SPOCK3: variants seen among roughly 807,000 people sequenced by gnomAD.
SPOCK3 encodes SPARC (osteonectin), cwcv and kazal like domains proteoglycan 3.
SPOCK3 carries 30 observed loss-of-function variants against 56.6 expected under a neutral mutation model. The ratio of observed to expected loss-of-function variants is 0.53; its 90% CI spans 0.40 to 0.72. The LOEUF is 0.72. Ranked by LOEUF, SPOCK3 falls within the 30% of genes least tolerant of loss-of-function variation. The probability of loss-of-function intolerance (pLI) is 0.00; values close to 1 mark genes in which losing one functional copy is unlikely to be tolerated. For synonymous variants in SPOCK3, 196 were observed against 183.3 expected (o/e 1.07, Z -0.56); for missense variants, 527 against 530.0 (o/e 0.99, Z 0.06).
At chr4:166,736,900 A>G (rs1579068273) in intron 10 of SPOCK3, among the ~76,000 whole-genome samples, 1 of 152,142 alleles carries the variant, frequency 6.6e-6, no homozygotes, top group African/African-American at 2.4e-5. Context: ...ATATATACAT[A>G]AAAAATGCAT....
chr4:166,902,631 CATG>C (rs139545484), intron 5 of SPOCK3, among the ~76,000 whole-genome samples: 3,226 of 150,932 alleles, frequency 0.021, 50 homozygotes, highest in Non-Finnish European at 0.03. Flanking sequence ...ACATATGTAA[CATG>C]ATATTTACAT....
intron 6 of SPOCK3, among the ~76,000 whole-genome samples, chr4:166,821,700 T>C (rs1744952236): frequency 6.6e-6 from 1 of 151,776 alleles, no homozygotes; most frequent in African/African-American, 2.4e-5. Flanking sequence ...GAAAGGAAAA[T>C]TTATAGAGCC....
intron 2 of SPOCK3, among the ~76,000 whole-genome samples, chr4:167,226,623 A>G (rs1339324927): frequency 6.6e-6 from 1 of 152,144 alleles, no homozygotes; most frequent in Non-Finnish European, 1.5e-5. Context: ...TAAATTTCCC[A>G]GTATCCCTTG....
At chr4:167,012,033 A>C (rs568801950) in intron 3 of SPOCK3, among the ~76,000 whole-genome samples, 1 of 151,908 alleles carries the variant, frequency 6.6e-6, no homozygotes, top group Non-Finnish European at 1.5e-5. Flanking sequence ...ATTGAGTGAC[A>C]TTTTTCAAGG....
chr4:166,789,985 C>T (rs975537803), intron 7 of SPOCK3, among the ~76,000 whole-genome samples: 4 of 152,132 alleles, frequency 2.6e-5, no homozygotes, highest in African/African-American at 7.2e-5. Context: ...ACAGTAATAA[C>T]TGTCATGATG....
At chr4:166,925,478 T>C (rs557223861) in intron 4 of SPOCK3, among the ~76,000 whole-genome samples, 9 of 152,284 alleles carry the variant, frequency 5.9e-5, no homozygotes, top group African/African-American at 1.9e-4. Context: ...AGTACATTTA[T>C]ATTGTGTGAT....
intron 2 of SPOCK3, among the ~76,000 whole-genome samples, chr4:167,188,024 T>C (rs1388706688): frequency 4.3e-5 from 5 of 115,590 alleles, no homozygotes; most frequent in Admixed American, 2.9e-4. Context: ...TCTGCAGTTC[T>C]GAGTTTCATA....
chr4:166,840,099 T>C (rs1747078520), intron 6 of SPOCK3, among the ~76,000 whole-genome samples: 1 of 152,208 alleles, frequency 6.6e-6, no homozygotes, highest in Non-Finnish European at 1.5e-5. Flanking sequence ...AATGCAGAAT[T>C]CCCAGTAATA....
chr4:166,840,543 T>G (rs1210018971), intron 6 of SPOCK3, among the ~76,000 whole-genome samples: 1 of 152,104 alleles, frequency 6.6e-6, no homozygotes, highest in Non-Finnish European at 1.5e-5. Flanking sequence ...GTTTTTGGGT[T>G]TTCTAGTTTG....
In SPOCK3 at chr4:167,234,112, G is replaced by C; in HGVS notation, c.62C>G (p.Ala21Gly). ...GGCTGCAGCCACCGCCGCGGCAGCT[G>C]CGAGAGACTGACTGCACCAAGCGGC... ...CAAAWCSQSL[A>G]AAAAVAAAGG... Residue 21 changes from alanine (A) to glycine (G), a missense_variant, in exon 2 of 11, where the codon GCA (alanine) becomes GGA (glycine). Ala to Gly is a moderately conservative substitution (Grantham distance 60). Coordinates refer to ENST00000357545, the MANE Select transcript of SPOCK3 (RefSeq NM_001040159.2). 5.0e-6 allele frequency: 8 copies of C among 1,613,978 alleles called. No individual in the cohort carries two copies. Among genetic ancestry groups the C allele is most frequent in the Non-Finnish European group, 6.8e-6 (8 of 1,179,990 alleles).
chr4:166,876,638 G>A (rs1733115237), intron 6 of SPOCK3, among the ~76,000 whole-genome samples: 1 of 152,026 alleles, frequency 6.6e-6, no homozygotes, highest in South Asian at 2.1e-4. Context: ...TGTATATAGA[G>A]CATAATATAC....
intron 6 of SPOCK3, among the ~76,000 whole-genome samples, chr4:166,839,007 G>A (rs1186841880): frequency 1.3e-5 from 2 of 151,852 alleles, no homozygotes; most frequent in African/African-American, 4.8e-5. Context: ...TCTATCTTAT[G>A]AGGATTAGTG....
chr4:166,826,961 CT>C (rs1471890938), intron 6 of SPOCK3, among the ~76,000 whole-genome samples: 3 of 151,682 alleles, frequency 2.0e-5, no homozygotes, highest in Non-Finnish European at 4.4e-5. Flanking sequence ...AATTAGAGAC[CT>C]TCTTAAAAAT....
intron 3 of SPOCK3, among the ~76,000 whole-genome samples, chr4:167,048,706 T>G (rs1449604821): frequency 6.6e-6 from 1 of 152,224 alleles, no homozygotes; most frequent in African/African-American, 2.4e-5. Flanking sequence ...CATTTCTGAT[T>G]AAGTGGAAGG....
At chr4:166,873,062 G>A (rs1335137913) in intron 6 of SPOCK3, among the ~76,000 whole-genome samples, 1 of 152,050 alleles carries the variant, frequency 6.6e-6, no homozygotes, top group African/African-American at 2.4e-5. Flanking sequence ...CTCCATGAGG[G>A]ATCTGCTGCT....
chr4:167,102,125 G>C (rs995562257), intron 2 of SPOCK3, among the ~76,000 whole-genome samples: 2 of 152,048 alleles, frequency 1.3e-5, no homozygotes, highest in African/African-American at 2.4e-5. Flanking sequence ...ATGAGAACAA[G>C]TGGAGACTGG....
At chr4:167,119,734 A>G (rs1007712106) in intron 2 of SPOCK3, 4 of 1,198,404 alleles carry the variant, frequency 3.3e-6, no homozygotes, top group Non-Finnish European at 3.6e-6. Flanking sequence ...TGTCTATAAC[A>G]TAATGGGTAC....
intron 2 of SPOCK3, among the ~76,000 whole-genome samples, chr4:167,186,019 C>T (rs1183267338): frequency 1.3e-5 from 2 of 151,862 alleles, no homozygotes; most frequent in Non-Finnish European, 2.9e-5. Context: ...TATTTTACAA[C>T]AGAGCTCTAA....
At chr4:167,043,515 A>T (rs2150205516) in intron 3 of SPOCK3, among the ~76,000 whole-genome samples, 1 of 152,172 alleles carries the variant, frequency 6.6e-6, no homozygotes, top group Admixed American at 6.5e-5. Flanking sequence ...GAAAAGGAAC[A>T]TTCTTATTCC....
Sources: gnomAD v4.1 joint callset for allele counts (sites outside exome capture counted in the v4.1 genomes callset) on GRCh38, gnomAD v4.1.1 for gene constraint, MANE v1.5 for transcripts, NCBI Gene and HGNC (gene_info 2026-07-23, HGNC 2026-07-21) for gene names.